KCNK2: variants seen among roughly 807,000 people sequenced by gnomAD.
KCNK2 encodes potassium two pore domain channel subfamily K member 2.
Under a neutral mutation model 40.5 loss-of-function variants are expected in KCNK2, and 21 were observed. That is an observed-to-expected ratio of 0.52 (90% confidence interval 0.37 to 0.75). KCNK2 has a LOEUF of 0.75. Among genes scored for constraint, KCNK2 ranks in the 30% least tolerant of loss-of-function variants. The pLI, the probability that KCNK2 is intolerant of heterozygous loss-of-function variation, is 0.00. For synonymous variants in KCNK2, 191 were observed against 202.2 expected, an observed-to-expected ratio of 0.94 and a Z score of 0.47; for missense variants, 399 against 531.6, an observed-to-expected ratio of 0.75 and a Z score of 2.45.
intron 1 of KCNK2, among the ~76,000 whole-genome samples, chr1:215,069,096 G>A (rs770072509): frequency 1.3e-5 from 2 of 152,154 alleles, no homozygotes; most frequent in Non-Finnish European, 2.9e-5. Context: ...AATGTACTCA[G>A]GGAAATCTGA....
intron 1 of KCNK2, among the ~76,000 whole-genome samples, chr1:215,040,580 A>G (rs773240821): frequency 3.3e-5 from 5 of 152,194 alleles, no homozygotes; most frequent in Non-Finnish European, 7.3e-5. Context: ...ACTTCCAGTT[A>G]ACGGAAGTAT....
chr1:215,092,319 A>G (rs1320848807), intron 2 of KCNK2, among the ~76,000 whole-genome samples: 6 of 152,166 alleles, frequency 3.9e-5, no homozygotes, highest in Non-Finnish European at 4.4e-5. Flanking sequence ...TGAGATGGGA[A>G]AGAGTGAAGA....
At chr1:215,169,112 C>T (rs1186200172) in intron 3 of KCNK2, 87 bp from the exon 4 acceptor site, 1 of 1,011,764 alleles carries the variant, frequency 9.9e-7, no homozygotes, top group African/African-American at 1.6e-5. Flanking sequence ...TGATATCTTG[C>T]AATTTTTTGG....
At chr1:215,142,424 A>G (rs1342772017) in intron 3 of KCNK2, among the ~76,000 whole-genome samples, 1 of 152,178 alleles carries the variant, frequency 6.6e-6, no homozygotes, top group Non-Finnish European at 1.5e-5. Context: ...TTAGTTAGAA[A>G]CTTAATAGGA....
chr1:215,101,289 A>G (rs1558091472), intron 2 of KCNK2, among the ~76,000 whole-genome samples: 1 of 152,040 alleles, frequency 6.6e-6, no homozygotes, highest in East Asian at 1.9e-4. Context: ...AACAACGCCT[A>G]ATGAGATAGA....
At chr1:215,006,922 G>A (rs940624164) in intron 1 of KCNK2, among the ~76,000 whole-genome samples, 1 of 143,814 alleles carries the variant, frequency 7.0e-6, no homozygotes, top group African/African-American at 2.6e-5. Flanking sequence ...TGCTATTCTT[G>A]GTTGTTTTTC....
At chr1:215,092,484 T>C (rs570389890) in intron 2 of KCNK2, among the ~76,000 whole-genome samples, 1 of 152,076 alleles carries the variant, frequency 6.6e-6, no homozygotes, top group African/African-American at 2.4e-5. Flanking sequence ...GATAGACATA[T>C]AGCAGCAGTA....
chr1:215,160,477 T>G (rs1480038321), intron 3 of KCNK2, among the ~76,000 whole-genome samples: 1 of 152,176 alleles, frequency 6.6e-6, no homozygotes, highest in Non-Finnish European at 1.5e-5. Context: ...GAGCACAGGT[T>G]TATTGTATGG....
At chr1:215,142,715 G>C (rs1218270571) in intron 3 of KCNK2, among the ~76,000 whole-genome samples, 1 of 152,082 alleles carries the variant, frequency 6.6e-6, no homozygotes, top group African/African-American at 2.4e-5. Context: ...GTGCATTTCA[G>C]TCTACTTTCT....
intron 2 of KCNK2, among the ~76,000 whole-genome samples, chr1:215,088,058 T>C (rs948621492): frequency 3.8e-4 from 58 of 152,178 alleles, no homozygotes; most frequent in African/African-American, 1.3e-3. Flanking sequence ...TTTTTAGTAT[T>C]GGCAGTGAAA....
chr1:215,063,276 G>A (rs375915959), intron 1 of KCNK2, among the ~76,000 whole-genome samples: 5 of 152,326 alleles, frequency 3.3e-5, no homozygotes, highest in Admixed American at 1.3e-4. Flanking sequence ...CCCTAAGGCT[G>A]TGAGAAGCCA....
At chr1:215,230,098 C>T (rs1377533397) in intron 6 of KCNK2, among the ~76,000 whole-genome samples, 1,874 of 33,738 alleles carry the variant, frequency 0.056, 34 homozygotes, top group African/African-American at 0.073. Context: ...TGTATACACA[C>T]ACACACACAC....
chr1:215,066,815 T>G (rs1658563914), intron 1 of KCNK2, among the ~76,000 whole-genome samples: 2 of 152,210 alleles, frequency 1.3e-5, no homozygotes, highest in African/African-American at 2.4e-5. Context: ...TACTCTAAAT[T>G]TGATTAGGGA....
chr1:215,033,753 G>T (rs1657287242), intron 1 of KCNK2, among the ~76,000 whole-genome samples: 1 of 152,172 alleles, frequency 6.6e-6, no homozygotes, highest in South Asian at 2.1e-4. Context: ...ACCCCAGCAG[G>T]TAGGCTGTGG....
intron 1 of KCNK2, among the ~76,000 whole-genome samples, chr1:215,045,808 G>T (rs1657748043): frequency 6.6e-6 from 1 of 152,116 alleles, no homozygotes; most frequent in South Asian, 2.1e-4. Flanking sequence ...CCTTGGATTT[G>T]CCGTGTTAAC....
chr1:215,168,596 C>T (rs1663556167), intron 3 of KCNK2, among the ~76,000 whole-genome samples: 1 of 152,156 alleles, frequency 6.6e-6, no homozygotes, highest in South Asian at 2.1e-4. Flanking sequence ...AGCAAACTAA[C>T]ACAGGAACAG....
At chr1:215,034,608 G>A (rs559478627) in intron 1 of KCNK2, among the ~76,000 whole-genome samples, 33 of 152,080 alleles carry the variant, frequency 2.2e-4, no homozygotes, top group Admixed American at 1.6e-3. Context: ...TGTAGTTCAA[G>A]TCATTCTAAT....
rs115185447 is a variant in KCNK2 at position 215,132,940 on chromosome 1, G to A, written c.475+8190G>A. On this transcript the variant is annotated intron_variant, in intron 3 of 6. Coordinates refer to ENST00000444842, the MANE Select transcript of KCNK2 (RefSeq NM_001017425.3). ...ATGTATGTTACATCAGGCAAGAAGA[G>A]CACCTAGTACCCAGAATCCTGTGCT... Among the ~76,000 whole-genome samples the A allele has an allele frequency of 2.3e-3, 351 of 152,324 alleles. 1 individual carries two copies. The highest frequency in any genetic ancestry group is 8.0e-3 in the African/African-American group (333 of 41,582).
At chr1:215,226,299 G>A (rs538023016) in intron 6 of KCNK2, among the ~76,000 whole-genome samples, 2 of 151,954 alleles carry the variant, frequency 1.3e-5, no homozygotes, top group African/African-American at 4.8e-5. Context: ...TATCTTTTTT[G>A]TTTGTTTGTC....
Sources: allele counts gnomAD v4.1 joint callset (sites outside exome capture counted in the v4.1 genomes callset), GRCh38; gene constraint gnomAD v4.1.1; transcripts MANE v1.5; gene names NCBI Gene and HGNC (gene_info 2026-07-23, HGNC 2026-07-21).